The following ABCC11 variants were observed in gnomAD, a reference collection of about 807,000 sequenced individuals.
ABCC11 encodes ATP binding cassette subfamily C member 11.
Under a neutral mutation model 149.3 loss-of-function variants are expected in ABCC11, and 135 were observed. That is an observed-to-expected ratio of 0.90 (90% CI 0.79 to 1.04). The LOEUF (loss-of-function observed/expected upper bound fraction) is 1.04, where lower values mean the gene tolerates loss of function less well. ABCC11 is among the 50% of genes least tolerant of loss of function. The probability of loss-of-function intolerance (pLI) is 0.00; values close to 1 mark genes in which losing one functional copy is unlikely to be tolerated. For synonymous variants in ABCC11, 665 were observed against 671.4 expected, an observed-to-expected ratio of 0.99 and a Z score of 0.15; for missense variants, 1,680 against 1,722.1, an observed-to-expected ratio of 0.98 and a Z score of 0.43.
rs1967028243 is a variant in ABCC11, at chr16:48,192,645, A to C, written c.2581T>G (p.Phe861Val). 2 of 1,614,206 alleles carry C rather than the reference A, an allele frequency of 1.2e-6. No individual in the cohort carries two copies. Among genetic ancestry groups the C allele is most frequent in the African/African-American group, 1.3e-5 (1 of 75,068 alleles). Reference sequence around the variant, plus strand: ...TTGAGCCCGTACACCAGCTGGTAGAAGGACAGTTGAGGATTGTCTGCAATG... The same window carrying C: ...TTGAGCCCGTACACCAGCTGGTAGACGGACAGTTGAGGATTGTCTGCAATG... ...GNIADNPQLS[F>V]YQLVYGLNAL... Residue 861 changes from phenylalanine to valine, a missense_variant, in exon 20 of 30, where the codon TTC (phenylalanine) becomes GTC (valine). Transcript: ENST00000356608.
intron 11 of ABCC11, 109 bp downstream of exon 11, chr16:48,210,839 G>C: frequency 7.0e-7 from 1 of 1,431,972 alleles, no homozygotes; most frequent in Non-Finnish European, 9.4e-7. Flanking sequence ...AGAGATCTTG[G>C]AGAGGGCAGT....
intron 2 of ABCC11, 26 bp downstream of exon 2, chr16:48,231,797 G>T (rs764368446): frequency 1.2e-6 from 2 of 1,610,272 alleles, no homozygotes; most frequent in Non-Finnish European, 1.7e-6. Flanking sequence ...GTTTCCTGGT[G>T]TGCTGATGCT....
intron 6 of ABCC11, among the ~76,000 whole-genome samples, chr16:48,219,180 T>TC (rs972676877): frequency 6.6e-6 from 1 of 151,298 alleles, no homozygotes; most frequent in African/African-American, 2.4e-5. Context: ...TTTTTTTTTT[T>TC]TTTTTTTGAG....
intron 1 of ABCC11, among the ~76,000 whole-genome samples, chr16:48,238,641 A>G (rs187112246): frequency 2.4e-3 from 361 of 152,248 alleles, no homozygotes; most frequent in African/African-American, 8.3e-3. Flanking sequence ...ATCGGATTAG[A>G]ATCCATAAAA....
intron 1 of ABCC11, chr16:48,244,375 G>A: frequency 1.3e-6 from 2 of 1,524,436 alleles, no homozygotes; most frequent in Non-Finnish European, 1.8e-6. Context: ...CCCCCAGTGC[G>A]AAAGGCTGCC....
chr16:48,234,346 AATTT>A (rs1434135554), intron 1 of ABCC11, among the ~76,000 whole-genome samples: 2 of 152,332 alleles, frequency 1.3e-5, no homozygotes, highest in African/African-American at 4.8e-5. Flanking sequence ...TTTTTGATGT[AATTT>A]ATTTAATTGT....
intron 23 of ABCC11, among the ~76,000 whole-genome samples, chr16:48,178,908 CACT>C (rs1966260144): frequency 6.6e-6 from 1 of 152,184 alleles, no homozygotes; most frequent in Non-Finnish European, 1.5e-5. Flanking sequence ...CCTCCCCAGA[CACT>C]GTTCCACCTC....
intron 1 of ABCC11, among the ~76,000 whole-genome samples, chr16:48,235,600 G>C (rs1253137121): frequency 6.6e-6 from 1 of 152,160 alleles, no homozygotes; most frequent in Non-Finnish European, 1.5e-5. Context: ...CCACTTCCTG[G>C]ACTGACCAGG....
In ABCC11 at chr16:48,239,968, AGTG is replaced by A. The variant is rs1276385608; in HGVS notation, c.-19+7343_-19+7345del. 4.6e-5 allele frequency among the ~76,000 whole-genome samples: 7 copies of A among 152,380 alleles called. No homozygotes were observed. In the East Asian group the frequency reaches 9.6e-4, roughly 21 times the overall value. On this transcript the variant is annotated intron_variant, in intron 1 of 29. Transcript: ENST00000356608. ...TTAGAGAAATGCAAATCAAAACCAC[AGTG>A]AGATGCCATCTTACACCAGTCAGAA...
chr16:48,204,198 C>G (rs1343550029), intron 13 of ABCC11, among the ~76,000 whole-genome samples: 1 of 152,138 alleles, frequency 6.6e-6, no homozygotes, highest in African/African-American at 2.4e-5. Context: ...TTTATTTTAA[C>G]AGATATTGCA....
intron 20 of ABCC11, among the ~76,000 whole-genome samples, chr16:48,188,682 T>G (rs1966845612): frequency 6.6e-6 from 1 of 152,174 alleles, no homozygotes; most frequent in Non-Finnish European, 1.5e-5. Context: ...TGTAACTTAC[T>G]CATTACGCAA....
At chr16:48,219,169 G>GTTTT (rs59995920) in intron 6 of ABCC11, among the ~76,000 whole-genome samples, 2 of 134,564 alleles carry the variant, frequency 1.5e-5, no homozygotes, top group Non-Finnish European at 3.2e-5. Flanking sequence ...TTGGTTTTGG[G>GTTTT]TTTTTTTTTT....
intron 23 of ABCC11, among the ~76,000 whole-genome samples, chr16:48,181,171 G>A (rs1966404192): frequency 6.6e-6 from 1 of 152,200 alleles, no homozygotes. Flanking sequence ...CTGGGCCTTA[G>A]TGATTCCGAA....
At chr16:48,224,947 C>T (rs1969974105) in intron 4 of ABCC11, among the ~76,000 whole-genome samples, 2 of 152,050 alleles carry the variant, frequency 1.3e-5, no homozygotes, top group African/African-American at 4.8e-5. Context: ...TGCTTGAACC[C>T]AGGAGGCAGA....
Position 48,211,094 on chromosome 16 carries a change from GA to G in ABCC11, c.1461del (p.Ile490SerfsTer18). 6.2e-7 allele frequency: 1 copy of G among 1,614,214 alleles called. No individual in the cohort carries two copies. The highest frequency in any genetic ancestry group is 1.6e-4 in the Middle Eastern group (1 of 6,062). On this transcript the variant is annotated frameshift_variant, in exon 11 of 30. Transcript: ENST00000356608. LOFTEE classifies it high-confidence loss of function. ...TCCAGTGCCCCATTGACGATCCCGGGACAGGTCTGTTGCCATGACAAGGTGG... is the reference window on the plus strand; with the variant it reads ...TCCAGTGCCCCATTGACGATCCCGGGCAGGTCTGTTGCCATGACAAGGTGG... The part of the protein sequence containing the change: ...EEATLSWQQT[C>X]PGIVNGALEL...
intron 20 of ABCC11, among the ~76,000 whole-genome samples, chr16:48,191,058 G>A (rs553885824): frequency 4.8e-4 from 73 of 152,230 alleles, no homozygotes; most frequent in Admixed American, 7.8e-4. Context: ...TGTTTATGGC[G>A]GCGGAACTAT....
chr16:48,203,247 G>T lies in ABCC11; in HGVS notation c.1859C>A (p.Pro620His). 1 of 1,579,938 alleles carries T rather than the reference G, an allele frequency of 6.3e-7. No homozygotes were observed. The highest frequency in any genetic ancestry group is 1.2e-5 in the South Asian group (1 of 86,026). Residue 620 changes from proline to histidine, a missense_variant, in exon 14 of 30, where the codon CCC becomes CAC. Transcript: ENST00000356608. Reference sequence around the variant, plus strand: ...TCTCACCTCTGTCATGTCTCCAAAGGGCAGAAGTTCCAGGTCCCGATTCAG... The same window carrying T: ...TCTCACCTCTGTCATGTCTCCAAAGTGCAGAAGTTCCAGGTCCCGATTCAG... ...CSLNRDLELL[P>H]FGDMTEIGER...
intron 19 of ABCC11, 59 bp from the exon 20 acceptor site, chr16:48,192,776 A>G (rs1398917730): frequency 6.4e-7 from 1 of 1,559,966 alleles, no homozygotes; most frequent in African/African-American, 1.4e-5. Context: ...AGTGGCAGGG[A>G]AAGCCTTCTC....
chr16:48,190,553 A>T (rs1158776667), intron 20 of ABCC11, among the ~76,000 whole-genome samples: 1 of 152,022 alleles, frequency 6.6e-6, no homozygotes, highest in Non-Finnish European at 1.5e-5. Context: ...TGGTAGAGAC[A>T]AGATTTTGCC....
Sources: gnomAD v4.1 joint callset for allele counts (sites outside exome capture counted in the v4.1 genomes callset) on GRCh38, gnomAD v4.1.1 for gene constraint, MANE v1.5 for transcripts, NCBI Gene and HGNC (gene_info 2026-07-23, HGNC 2026-07-21) for gene names.